ACBD6: variants seen among roughly 807,000 people sequenced by gnomAD.
ACBD6 encodes the protein acyl-CoA binding domain containing 6.
Under a neutral mutation model 37.2 loss-of-function variants are expected in ACBD6, and 28 were observed. The observed-to-expected ratio is 0.75, with a 90% confidence interval of 0.56 to 1.03. ACBD6 has a LOEUF of 1.03. ACBD6 is among the 50% of genes least tolerant of loss of function. ACBD6 has a pLI of 0.00. For missense variants in ACBD6, 340 were observed against 337.4 expected (o/e 1.01, Z -0.06); for synonymous variants, 113 against 126.8 (o/e 0.89, Z 0.73).
intron 3 of ACBD6, among the ~76,000 whole-genome samples, chr1:180,465,245 G>A (rs1381690410): frequency 2.6e-5 from 4 of 152,078 alleles, no homozygotes. Context: ...CAGAACGGGA[G>A]AGAATATCTG....
intron 9 of ACBD6, among the ~76,000 whole-genome samples, chr1:180,280,166 G>T (rs1649264902): frequency 6.6e-6 from 1 of 152,192 alleles, no homozygotes; most frequent in Non-Finnish European, 1.5e-5. Context: ...GGTGCTCATA[G>T]AGTCTTGTTA....
At chr1:180,494,760 C>A (rs1035418852) in intron 2 of ACBD6, among the ~76,000 whole-genome samples, 4 of 152,192 alleles carry the variant, frequency 2.6e-5, no homozygotes, top group Non-Finnish European at 4.4e-5. Flanking sequence ...GCCTTCCCTT[C>A]TATAACTAAG....
At chr1:180,421,504 G>C (rs1320795193) in intron 4 of ACBD6, among the ~76,000 whole-genome samples, 1 of 152,056 alleles carries the variant, frequency 6.6e-6, no homozygotes, top group African/African-American at 2.4e-5. Flanking sequence ...ATATTCCTTT[G>C]GGTATATACC....
At chr1:180,499,955 G>C (rs1339721) in intron 1 of ACBD6, among the ~76,000 whole-genome samples, 15,763 of 151,882 alleles carry the variant, frequency 0.1, 1,159 homozygotes, top group African/African-American at 0.2. Context: ...TCCAGTTTAA[G>C]AACACAGTGG....
In ACBD6 at chr1:180,434,178, A is replaced by AG. The variant is rs574124935; in HGVS notation, c.385-3917dup. ...TTATACTTTCCTCCCTTTAGCATTC[A>AG]GGAACAACTGACCAGCATTAACATT... On this transcript the variant is annotated intron_variant, in intron 3 of 7. Coordinates refer to ENST00000367595, the MANE Select transcript of ACBD6 (RefSeq NM_032360.4). Among the ~76,000 whole-genome samples the AG allele has an allele frequency of 2.2e-3, 336 of 152,330 alleles. 3 individuals are homozygous for AG. The highest frequency in any genetic ancestry group is 0.02 in the Middle Eastern group (6 of 294).
chr1:180,270,836 T>C (rs2149265802), exon 14 of ACBD6: 1 of 188,664 alleles, frequency 5.3e-6, no homozygotes, highest in South Asian at 1.1e-4. Flanking sequence ...GGTTCTGACC[T>C]ATAGTTTAGA....
intron 3 of ACBD6, among the ~76,000 whole-genome samples, chr1:180,478,238 G>A (rs1346005894): frequency 6.6e-6 from 1 of 151,816 alleles, no homozygotes; most frequent in East Asian, 1.9e-4. Flanking sequence ...ATTAAGTACA[G>A]CTAAAAAATA....
chr1:180,313,453 C>A (rs1650670606), intron 7 of ACBD6, among the ~76,000 whole-genome samples: 1 of 152,216 alleles, frequency 6.6e-6, no homozygotes, highest in African/African-American at 2.4e-5. Context: ...TTCCGCCAAG[C>A]ATCCCAGAAA....
chr1:180,361,218 C>G (rs1652837307), intron 6 of ACBD6, among the ~76,000 whole-genome samples: 1 of 151,156 alleles, frequency 6.6e-6, no homozygotes, highest in Non-Finnish European at 1.5e-5. Context: ...TGCAGTATGT[C>G]AAGGTTTAAT....
Position 180,274,697 on chromosome 1 carries a change from A to G in ACBD6, c.*890T>C, listed in dbSNP as rs562421943. 9.0e-6 allele frequency: 11 copies of G among 1,219,642 alleles called. No individual in the cohort carries two copies. In the African/African-American group the frequency reaches 1.5e-4, roughly 17 times the overall value. The allele number at this position is 1,219,642 out of a possible 1,614,324, so 75.6% of individuals were successfully genotyped here. A position where few individuals can be genotyped will look rare whatever the true frequency, so the allele number is the denominator to read the frequency against. ...CCAATGTGAATTTCCATTATTTTCA[A>G]TGGAAGTCCTCCGCTGATTCCTAGA... On this transcript the variant is annotated 3_prime_UTR_variant, in exon 10 of 14. Coordinates refer to the ACBD6 transcript ENST00000642319.
intron 3 of ACBD6, among the ~76,000 whole-genome samples, chr1:180,477,883 T>C (rs1177610062): frequency 6.6e-6 from 1 of 152,066 alleles, no homozygotes; most frequent in African/African-American, 2.4e-5. Flanking sequence ...AGTGTGCACC[T>C]GTAGTCCCAG....
At chr1:180,430,999 TGCAAAAGTCAA>T (rs1648790829) in intron 3 of ACBD6, among the ~76,000 whole-genome samples, 1 of 152,138 alleles carries the variant, frequency 6.6e-6, no homozygotes, top group African/African-American at 2.4e-5. Context: ...CAGGACACCC[TGCAAAAGTCAA>T]AACTCTGATT....
Position 180,345,696 on chromosome 1 carries a change from A to G in ACBD6, c.664-30974T>C, listed in dbSNP as rs180912093. On this transcript the variant is annotated intron_variant, in intron 6 of 7. Transcript: ENST00000367595. ...ATTTATAACTTAGAACATCATTACAATATTATTAATGTAAAATGGAATTAT... is the reference window on the plus strand; with the variant it reads ...ATTTATAACTTAGAACATCATTACAGTATTATTAATGTAAAATGGAATTAT... Among the ~76,000 whole-genome samples, 51 of 152,306 alleles carry G rather than the reference A, an allele frequency of 3.3e-4. 1 individual carries two copies. The highest frequency in any genetic ancestry group is 4.3e-4 in the Non-Finnish European group (29 of 68,026).
intron 6 of ACBD6, among the ~76,000 whole-genome samples, chr1:180,347,906 G>C (rs879261579): frequency 6.6e-5 from 10 of 151,964 alleles, no homozygotes; most frequent in African/African-American, 2.4e-4. Flanking sequence ...CGGAGCTTGC[G>C]GTGAGCCGAG....
chr1:180,279,074 C>T (rs902169365), intron 9 of ACBD6: 2 of 152,106 alleles, frequency 1.3e-5, no homozygotes, highest in Non-Finnish European at 2.9e-5. Context: ...GAGGTCCTTT[C>T]CTTTTATCAT....
chr1:180,432,595 T>C (rs1185735257), intron 3 of ACBD6, among the ~76,000 whole-genome samples: 1 of 152,098 alleles, frequency 6.6e-6, no homozygotes, highest in Non-Finnish European at 1.5e-5. Context: ...CAATATGTCC[T>C]TAAATAGATT....
At chr1:180,331,679 C>T (rs1037219262) in intron 6 of ACBD6, among the ~76,000 whole-genome samples, 5 of 152,186 alleles carry the variant, frequency 3.3e-5, no homozygotes, top group Admixed American at 3.3e-4. Flanking sequence ...TATAACAATG[C>T]TACAGCATAT....
At chr1:180,286,472 T>C (rs148457457), downstream of ACBD6, among the ~76,000 whole-genome samples, 691 of 152,352 alleles carry the variant, frequency 4.5e-3, 5 homozygotes, top group African/African-American at 0.016. Context: ...GATTTGCTAA[T>C]GTCTTAAAAA....
chr1:180,421,516 A>C (rs189328250), intron 4 of ACBD6, among the ~76,000 whole-genome samples: 2 of 152,354 alleles, frequency 1.3e-5, no homozygotes, highest in East Asian at 3.9e-4. Flanking sequence ...GTATATACCC[A>C]GTAAAGGGAT....
Sources: allele counts gnomAD v4.1 joint callset (sites outside exome capture counted in the v4.1 genomes callset), GRCh38; gene constraint gnomAD v4.1.1; transcripts MANE v1.5; gene names NCBI Gene and HGNC (gene_info 2026-07-23, HGNC 2026-07-21).